NFE2L2: variants seen among roughly 807,000 people sequenced by gnomAD.
NFE2L2 encodes NFE2 like bZIP transcription factor 2, also known as nuclear factor erythroid 2-related factor 2.
Under a neutral mutation model 49.6 loss-of-function variants are expected in NFE2L2, and 20 were observed. That is an observed-to-expected ratio of 0.40 (90% CI 0.28 to 0.59). The LOEUF (loss-of-function observed/expected upper bound fraction) is 0.59, where lower values mean the gene tolerates loss of function less well. Among genes scored for constraint, NFE2L2 ranks in the 20% least tolerant of loss-of-function variants. The pLI is 0.40. For missense variants in NFE2L2, 578 were observed against 714.2 expected, an observed-to-expected ratio of 0.81 and a Z score of 2.17; for synonymous variants, 244 against 256.5, an observed-to-expected ratio of 0.95 and a Z score of 0.47.
intron 1 of NFE2L2, among the ~76,000 whole-genome samples, chr2:177,238,350 G>A (rs1049790045): frequency 6.6e-6 from 1 of 152,142 alleles, no homozygotes; most frequent in Non-Finnish European, 1.5e-5. Flanking sequence ...ATATTGAATG[G>A]AATTTATAAT....
At chr2:177,264,118 G>A (rs1199899738) in intron 1 of NFE2L2, among the ~76,000 whole-genome samples, 4 of 152,068 alleles carry the variant, frequency 2.6e-5, no homozygotes, top group Non-Finnish European at 5.9e-5. Flanking sequence ...GAGCCGCGCA[G>A]CCCCGGAAGG....
intron 4 of NFE2L2, 91 bp from the exon 5 acceptor site, chr2:177,232,099 T>C (rs1689574590): frequency 8.2e-7 from 1 of 1,223,856 alleles, no homozygotes. Flanking sequence ...CCACATTATC[T>C]TCAGGCTTAT....
intron 1 of NFE2L2, chr2:177,264,039 G>T: frequency 1.2e-6 from 1 of 806,034 alleles, no homozygotes; most frequent in Non-Finnish European, 1.5e-6. Flanking sequence ...GTCCCAGCCC[G>T]AAGGCGACCT....
chr2:177,258,200 G>A (rs927552130), intron 1 of NFE2L2, among the ~76,000 whole-genome samples: 3 of 152,128 alleles, frequency 2.0e-5, no homozygotes, highest in African/African-American at 4.8e-5. Context: ...TCATCAACTG[G>A]ATAAATAAAA....
At position 177,231,455 on chromosome 2, in the gene NFE2L2, C is replaced by T. The variant is rs776284782; in HGVS notation, c.1148G>A (p.Ser383Asn). 12 of 1,614,238 alleles carry T rather than the reference C, an allele frequency of 7.4e-6. No homozygotes were observed. In the East Asian group the frequency reaches 2.5e-4, roughly 33 times the overall value. ...ATTCTGTTTGACACTTCCAGGGGCACTATCTAGCTCTTCCACTTCAGAATC... is the reference window on the plus strand; with the variant it reads ...ATTCTGTTTGACACTTCCAGGGGCATTATCTAGCTCTTCCACTTCAGAATC... ...LSDSEVEELDSAPGSVKQNGP... is the reference protein window; with the variant it reads ...LSDSEVEELDNAPGSVKQNGP... The change falls in exon 5 of 5, where the codon AGT becomes AAT. Residue 383 changes from serine to asparagine, a missense_variant. Physicochemically the swap from Ser to Asn is conservative, Grantham distance 46. Transcript: ENST00000397062.
At chr2:177,242,491 T>C (rs1689972435) in intron 1 of NFE2L2, among the ~76,000 whole-genome samples, 3 of 152,222 alleles carry the variant, frequency 2.0e-5, no homozygotes, top group Admixed American at 2.0e-4. Flanking sequence ...TTCCCTGAGT[T>C]ATAGAACCAT....
At chr2:177,262,850 T>C (rs1402514352) in intron 1 of NFE2L2, among the ~76,000 whole-genome samples, 1 of 152,246 alleles carries the variant, frequency 6.6e-6, no homozygotes. Flanking sequence ...GAACAGCAGC[T>C]ATTAAATAAA....
chr2:177,235,092 G>T (rs1004964835), intron 1 of NFE2L2, among the ~76,000 whole-genome samples: 2 of 151,684 alleles, frequency 1.3e-5, no homozygotes, highest in African/African-American at 2.4e-5. Flanking sequence ...ACTCCAGCCT[G>T]GGCAACAGAG....
chr2:177,247,365 A>G lies in NFE2L2; in HGVS notation c.46-13094T>C, dbSNP rs117830843. Among the ~76,000 whole-genome samples, 65 of 152,300 alleles carry G rather than the reference A, an allele frequency of 4.3e-4. No individual in the cohort carries two copies. The East Asian group carries it at 0.013, about 29-fold the overall frequency. On this transcript the variant is annotated intron_variant, in intron 1 of 4. Coordinates refer to ENST00000397062, the MANE Select transcript of NFE2L2 (RefSeq NM_006164.5). ...ATCTCTTAACAATAAAATTGAGGCC[A>G]AAGAAAGGAATAAAGGCCGGGCGCC...
chr2:177,261,182 A>C (rs1329236157), intron 1 of NFE2L2, among the ~76,000 whole-genome samples: 28 of 146,284 alleles, frequency 1.9e-4, no homozygotes, highest in African/African-American at 7.0e-4. Flanking sequence ...AAAAAAAAAA[A>C]AAACAAAAAA....
intron 1 of NFE2L2, among the ~76,000 whole-genome samples, chr2:177,240,418 G>C (rs1239735362): frequency 6.6e-6 from 1 of 152,152 alleles, no homozygotes; most frequent in Non-Finnish European, 1.5e-5. Context: ...CACTGGCCAG[G>C]AGCCTTTGCA....
In NFE2L2 at chr2:177,232,538, G is replaced by T; in HGVS notation, c.448C>A (p.His150Asn). The change falls in exon 4 of 5, where the codon CAC (histidine) becomes AAC (asparagine). Residue 150 changes from histidine (H) to asparagine (N), a missense_variant. His to Asn is a moderately conservative substitution (Grantham distance 68). Transcript: ENST00000397062. ...GCAATGAAGACTGGGCTCTCGATGT[G>T]ACCGGGAATATCAGGAACAAGTGAC... ...FQSLVPDIPGHIESPVFIATN... is the reference protein window; with the variant it reads ...FQSLVPDIPGNIESPVFIATN... The T allele has an allele frequency of 6.2e-7, 1 of 1,614,008 alleles. No homozygotes were observed. Among genetic ancestry groups the T allele is most frequent in the South Asian group, 1.1e-5 (1 of 91,060 alleles).
chr2:177,259,680 C>T (rs868602887), intron 1 of NFE2L2, among the ~76,000 whole-genome samples: 1 of 152,178 alleles, frequency 6.6e-6, no homozygotes, highest in South Asian at 2.1e-4. Flanking sequence ...AGCTTGTAAT[C>T]CCAGCACTTT....
intron 1 of NFE2L2, among the ~76,000 whole-genome samples, chr2:177,249,217 C>CATAA (rs71007982): frequency 0.72 from 104,318 of 145,844 alleles, 37,964 homozygotes; most frequent in South Asian, 0.82. Flanking sequence ...ACCCGGTCTC[C>CATAA]ATAAATAAAT....
intron 2 of NFE2L2, 156 bp downstream of exon 2, chr2:177,233,849 G>C (rs1228653422): frequency 3.4e-6 from 3 of 895,146 alleles, no homozygotes; most frequent in Non-Finnish European, 5.0e-6. Flanking sequence ...CTCAGGTTAG[G>C]TACTGAACTC....
At position 177,264,597 on chromosome 2, in the gene NFE2L2, T is replaced by C. The variant is rs1402115546; in HGVS notation, c.-21A>G. On this transcript the variant is annotated 5_prime_UTR_variant, in exon 1 of 5. Transcript: ENST00000397062. ...ATCATGATGAGCTGTGGACCGTGTGTTGGGGCTCCCCGACGGCGGCCCTGT... is the reference window on the plus strand; with the variant it reads ...ATCATGATGAGCTGTGGACCGTGTGCTGGGGCTCCCCGACGGCGGCCCTGT... 7 of 1,455,316 alleles carry C rather than the reference T, an allele frequency of 4.8e-6. No individual in the cohort carries two copies. The Admixed American group carries it at 7.4e-5, about 15-fold the overall frequency. The allele number at this position is 1,455,316 out of a possible 1,614,324, so 90.2% of individuals were successfully genotyped here.
rs538943366 is a variant in NFE2L2, at chr2:177,234,277, T to A, written c.46-6A>T. The A allele has an allele frequency of 6.3e-7, 1 of 1,590,688 alleles. No individual in the cohort carries two copies. Among genetic ancestry groups the A allele is most frequent in the Non-Finnish European group, 8.5e-7 (1 of 1,172,708 alleles). On this transcript the variant is annotated splice_polypyrimidine_tract_variant and splice_region_variant and intron_variant, in intron 1 of 4. Transcript: ENST00000397062. Reference sequence around the variant, plus strand: ...ATGTCAATCAAATCCATGTCCTATGTTTAAGACAAAAAAAGGAAGGAGAGA... The same window carrying A: ...ATGTCAATCAAATCCATGTCCTATGATTAAGACAAAAAAAGGAAGGAGAGA...
chr2:177,254,614 T>C (rs980009621), intron 1 of NFE2L2, among the ~76,000 whole-genome samples: 1 of 152,138 alleles, frequency 6.6e-6, no homozygotes, highest in African/African-American at 2.4e-5. Context: ...TCCAGCCCCA[T>C]GCGTCAACAG....
At chr2:177,261,524 T>A (rs1237666438) in intron 1 of NFE2L2, among the ~76,000 whole-genome samples, 2 of 152,138 alleles carry the variant, frequency 1.3e-5, no homozygotes, top group African/African-American at 4.8e-5. Context: ...GTCAAACCTG[T>A]TTGAATGCTA....
Sources: gnomAD v4.1 joint callset for allele counts (sites outside exome capture counted in the v4.1 genomes callset) on GRCh38, gnomAD v4.1.1 for gene constraint, MANE v1.5 for transcripts, NCBI Gene and HGNC (gene_info 2026-07-23, HGNC 2026-07-21) for gene names.